Variants in FAM120A observed in about 807,000 individuals in gnomAD.
FAM120A encodes the protein family with sequence similarity 120 member A, also known as constitutive coactivator of PPAR-gamma-like protein 1.
FAM120A carries 15 observed loss-of-function variants against 109.7 expected under a neutral mutation model. The observed-to-expected ratio is 0.14, with a 90% CI of 0.09 to 0.21. FAM120A has a LOEUF of 0.21. Ranked by LOEUF, FAM120A falls within the 10% of genes least tolerant of loss-of-function variation. The pLI is 1.00. For missense variants in FAM120A, 899 were observed against 1,439.3 expected (o/e 0.62, Z 6.07); for synonymous variants, 493 against 572.8 (o/e 0.86, Z 1.99).
intron 15 of FAM120A, 111 bp downstream of exon 15, chr9:93,558,829 C>T (rs951722684): frequency 6.2e-6 from 8 of 1,288,104 alleles, no homozygotes; most frequent in South Asian, 2.8e-5. Context: ...TCCAGCAGAA[C>T]GGCCTTTCTT....
At chr9:93,459,015 T>A (rs1857674342) in intron 1 of FAM120A, among the ~76,000 whole-genome samples, 1 of 152,258 alleles carries the variant, frequency 6.6e-6, no homozygotes, top group African/African-American at 2.4e-5. Flanking sequence ...ATCCAGTTTC[T>A]GCTTATGTCA....
chr9:93,480,873 T>A (rs1858768695), intron 3 of FAM120A, among the ~76,000 whole-genome samples: 1 of 152,196 alleles, frequency 6.6e-6, no homozygotes, highest in Non-Finnish European at 1.5e-5. Flanking sequence ...TCCCACTGTT[T>A]GTGTTGCTCT....
chr9:93,453,385 C>T, intron 1 of FAM120A: 2 of 985,428 alleles, frequency 2.0e-6, no homozygotes, highest in South Asian at 4.7e-5. Flanking sequence ...CTGGACTTCA[C>T]GTTCTGATTG....
chr9:93,562,955 A>G (rs1862523643), intron 17 of FAM120A, among the ~76,000 whole-genome samples: 1 of 152,132 alleles, frequency 6.6e-6, no homozygotes, highest in Non-Finnish European at 1.5e-5. Flanking sequence ...GTGAGCCACC[A>G]TGCCCAGCGG....
intron 3 of FAM120A, among the ~76,000 whole-genome samples, chr9:93,492,309 T>C (rs974151030): frequency 6.6e-6 from 1 of 152,152 alleles, no homozygotes; most frequent in Non-Finnish European, 1.5e-5. Flanking sequence ...TAGAATACCT[T>C]TTAGTACCAA....
intron 11 of FAM120A, among the ~76,000 whole-genome samples, chr9:93,543,814 G>T (rs1449366869): frequency 6.6e-6 from 1 of 152,220 alleles, no homozygotes; most frequent in East Asian, 1.9e-4. Context: ...GAGTTCTTCT[G>T]TAGGGAAAAT....
At chr9:93,512,342 C>G (rs979455547) in intron 5 of FAM120A, among the ~76,000 whole-genome samples, 45 of 152,110 alleles carry the variant, frequency 3.0e-4, no homozygotes, top group African/African-American at 1.1e-3. Flanking sequence ...GTAAGTGAGT[C>G]CTTTGAGGAA....
chr9:93,541,392 T>G (rs932121733), intron 10 of FAM120A, among the ~76,000 whole-genome samples: 3 of 152,192 alleles, frequency 2.0e-5, no homozygotes, highest in South Asian at 2.1e-4. Flanking sequence ...TGGGAAAGCT[T>G]CTGGAAGCTG....
chr9:93,546,087 A>G (rs1021720503), intron 11 of FAM120A, among the ~76,000 whole-genome samples: 1 of 151,890 alleles, frequency 6.6e-6, no homozygotes, highest in African/African-American at 2.4e-5. Flanking sequence ...CACCTGGCCA[A>G]TTCCTTCTTT....
chr9:93,555,121 T>C (rs1862248215), intron 12 of FAM120A, among the ~76,000 whole-genome samples: 2 of 152,200 alleles, frequency 1.3e-5, no homozygotes, highest in South Asian at 4.1e-4. Flanking sequence ...TCCTCCACTT[T>C]GCACATAAAT....
intron 12 of FAM120A, among the ~76,000 whole-genome samples, chr9:93,555,596 A>G (rs1287679099): frequency 6.6e-6 from 1 of 152,228 alleles, no homozygotes; most frequent in Non-Finnish European, 1.5e-5. Context: ...GGCCTTTCAC[A>G]TGCAGATGAT....
At chr9:93,533,470 C>G (rs1198086858) in intron 10 of FAM120A, among the ~76,000 whole-genome samples, 1 of 152,210 alleles carries the variant, frequency 6.6e-6, no homozygotes, top group Non-Finnish European at 1.5e-5. Context: ...CTGTGAGCAT[C>G]TCCACCCTCT....
chr9:93,498,698 A>G lies in FAM120A; in HGVS notation c.934-92A>G. 1 of 792,744 alleles carries G rather than the reference A, an allele frequency of 1.3e-6. No individual in the cohort carries two copies. 49.1% of individuals were successfully genotyped at this position (792,744 alleles called of 1,614,324 possible). On this transcript the variant is annotated intron_variant, in intron 4 of 17. Coordinates refer to ENST00000277165, the MANE Select transcript of FAM120A (RefSeq NM_014612.5). This position sits in a 1 kb window ranked among gnomAD's most constrained non-coding sequence, Gnocchi z 4.4. The stretch of plus-strand genomic sequence containing the variant: ...TCTTCTCTAACTTGAAAAGCTGTAG[A>G]ATATTATACATGTGCTGAATTATAA...
chr9:93,529,103 C>T (rs1293204894), intron 8 of FAM120A, among the ~76,000 whole-genome samples: 1 of 152,196 alleles, frequency 6.6e-6, no homozygotes, highest in East Asian at 1.9e-4. Context: ...CAGGGAGCAA[C>T]AGGCCCGCTC....
intron 7 of FAM120A, among the ~76,000 whole-genome samples, chr9:93,519,780 A>G (rs545361479): frequency 2.0e-5 from 3 of 152,338 alleles, no homozygotes; most frequent in Non-Finnish European, 4.4e-5. Flanking sequence ...AAAGGGTGGT[A>G]GTGATGGGCG....
chr9:93,513,824 C>T (rs1471364692), intron 5 of FAM120A, among the ~76,000 whole-genome samples: 11 of 152,338 alleles, frequency 7.2e-5, no homozygotes, highest in African/African-American at 2.2e-4. Context: ...GGTCTCACCA[C>T]GCCCAGTGTT....
At chr9:93,491,509 G>A (rs780014687) in intron 3 of FAM120A, among the ~76,000 whole-genome samples, 2 of 152,142 alleles carry the variant, frequency 1.3e-5, no homozygotes, top group African/African-American at 2.4e-5. Context: ...TCACATAAGA[G>A]GATATTTTTG....
At chr9:93,455,803 T>C (rs1445015264) in intron 1 of FAM120A, among the ~76,000 whole-genome samples, 1 of 152,008 alleles carries the variant, frequency 6.6e-6, no homozygotes, top group African/African-American at 2.4e-5. Context: ...GCTGGGATTA[T>C]AGGCGCCTGC....
intron 3 of FAM120A, among the ~76,000 whole-genome samples, chr9:93,489,068 A>G (rs1426963359): frequency 6.6e-6 from 1 of 152,156 alleles, no homozygotes; most frequent in African/African-American, 2.4e-5. Flanking sequence ...ATTTTTCTAA[A>G]TAAGAATATT....
Sources: allele counts gnomAD v4.1 joint callset (sites outside exome capture counted in the v4.1 genomes callset), GRCh38; gene constraint gnomAD v4.1.1; non-coding constraint Gnocchi (gnomAD v3.1); transcripts MANE v1.5; gene names NCBI Gene and HGNC (gene_info 2026-07-23, HGNC 2026-07-21).